UST: variants seen among roughly 807,000 people sequenced by gnomAD.
UST encodes uronyl 2-sulfotransferase.
In UST, 21 loss-of-function variants were observed where a neutral mutation model predicts 45.6. The ratio of observed to expected loss-of-function variants is 0.46; its 90% CI spans 0.33 to 0.66. The LOEUF is 0.66. Among genes scored for constraint, UST ranks in the 30% least tolerant of loss-of-function variants. The probability of loss-of-function intolerance (pLI) is 0.02; values close to 1 mark genes in which losing one functional copy is unlikely to be tolerated. For synonymous variants in UST, 215 were observed against 200.6 expected (o/e 1.07, Z -0.61); for missense variants, 463 against 512.4 (o/e 0.90, Z 0.93).
At chr6:148,768,574 G>A (rs548892404) in intron 1 of UST, among the ~76,000 whole-genome samples, 6 of 151,882 alleles carry the variant, frequency 4.0e-5, no homozygotes, top group South Asian at 4.2e-4. Context: ...TCATTCTATT[G>A]TTATTTCACT....
chr6:148,874,286 C>T (rs779542770), intron 1 of UST, among the ~76,000 whole-genome samples: 6 of 152,052 alleles, frequency 3.9e-5, no homozygotes, highest in East Asian at 1.9e-4. Flanking sequence ...CATTTGATTC[C>T]GAAAGTAATT....
chr6:149,028,082 G>A (rs1452087736), intron 7 of UST, among the ~76,000 whole-genome samples: 1 of 152,026 alleles, frequency 6.6e-6, no homozygotes, highest in Non-Finnish European at 1.5e-5. Flanking sequence ...GACCTCAGGT[G>A]AGCCACCTGC....
chr6:148,884,606 C>G (rs62426101), intron 1 of UST, among the ~76,000 whole-genome samples: 4,084 of 151,794 alleles, frequency 0.027, 90 homozygotes, highest in Non-Finnish European at 0.037. Flanking sequence ...GAGGTGGGGC[C>G]TGGGTGATGC....
intron 2 of UST, among the ~76,000 whole-genome samples, chr6:148,903,589 G>A (rs961369133): frequency 1.1e-4 from 17 of 152,302 alleles, no homozygotes; most frequent in African/African-American, 3.8e-4. Context: ...TAAACTAATA[G>A]GGGTAAAAAC....
chr6:148,880,774 A>T (rs1460575504), intron 1 of UST, among the ~76,000 whole-genome samples: 1 of 152,188 alleles, frequency 6.6e-6, no homozygotes, highest in Non-Finnish European at 1.5e-5. Context: ...TCACACCTAT[A>T]ATCCTAGCAT....
At chr6:148,809,722 T>C (rs543316797) in intron 1 of UST, among the ~76,000 whole-genome samples, 7 of 152,342 alleles carry the variant, frequency 4.6e-5, no homozygotes, top group African/African-American at 1.7e-4. Context: ...ACCTTTGCCA[T>C]TCATGTACAT....
At chr6:148,766,753 A>G (rs760830822) in intron 1 of UST, among the ~76,000 whole-genome samples, 7 of 152,214 alleles carry the variant, frequency 4.6e-5, no homozygotes, top group Non-Finnish European at 1.0e-4. Flanking sequence ...GAATACAGAT[A>G]TGTGTTCATT....
intron 1 of UST, among the ~76,000 whole-genome samples, chr6:148,871,681 G>A (rs1300179816): frequency 6.6e-6 from 1 of 152,232 alleles, no homozygotes; most frequent in Non-Finnish European, 1.5e-5. Context: ...AGTATTGCTT[G>A]TAGGAATTGA....
intron 3 of UST, among the ~76,000 whole-genome samples, chr6:148,949,141 A>C (rs912231352): frequency 6.6e-6 from 1 of 151,888 alleles, no homozygotes; most frequent in African/African-American, 2.4e-5. Flanking sequence ...AAATACAAAA[A>C]TTAGCTGGGC....
intron 1 of UST, among the ~76,000 whole-genome samples, chr6:148,782,781 A>T (rs1776667484): frequency 6.6e-6 from 1 of 152,220 alleles, no homozygotes; most frequent in African/African-American, 2.4e-5. Flanking sequence ...AAGCCAAAAA[A>T]GCGGCTTCTT....
intron 1 of UST, among the ~76,000 whole-genome samples, chr6:148,763,646 C>A (rs1278530456): frequency 6.6e-6 from 1 of 152,140 alleles, no homozygotes; most frequent in Non-Finnish European, 1.5e-5. Flanking sequence ...ACCTTTAAGT[C>A]TTTAATTCAT....
intron 2 of UST, among the ~76,000 whole-genome samples, chr6:148,937,003 C>A (rs1780039194): frequency 6.6e-6 from 1 of 152,078 alleles, no homozygotes; most frequent in African/African-American, 2.4e-5. Flanking sequence ...CCATCAGAAA[C>A]AAATCTATAG....
At chr6:148,929,025 C>T (rs9390638) in intron 2 of UST, among the ~76,000 whole-genome samples, 2,269 of 152,320 alleles carry the variant, frequency 0.015, 82 homozygotes, top group East Asian at 0.13. Flanking sequence ...ATGGATCCTT[C>T]GCACATGTTG....
At chr6:148,775,910 G>A (rs913177790) in intron 1 of UST, among the ~76,000 whole-genome samples, 2 of 152,134 alleles carry the variant, frequency 1.3e-5, no homozygotes, top group South Asian at 4.2e-4. Context: ...GGGATTACGG[G>A]TGTGAGCCAC....
chr6:148,947,110 C>T (rs1052732506), intron 3 of UST, among the ~76,000 whole-genome samples: 3 of 151,948 alleles, frequency 2.0e-5, no homozygotes, highest in Non-Finnish European at 4.4e-5. Flanking sequence ...TGAAAGCAAA[C>T]GGGGGTCAAA....
chr6:149,017,936 C>T (rs760102035), intron 5 of UST, among the ~76,000 whole-genome samples: 1 of 152,132 alleles, frequency 6.6e-6, no homozygotes, highest in Non-Finnish European at 1.5e-5. Flanking sequence ...TAATCACCCT[C>T]ACCACATGGC....
chr6:148,783,049 C>T lies in UST; in HGVS notation c.247+35372C>T, dbSNP rs117856058. ...TATTTTAAGAAAGTGCCATAGCCACCGCAAGCTTTAGCAACCATCACCCTG... is the reference window on the plus strand; with the variant it reads ...TATTTTAAGAAAGTGCCATAGCCACTGCAAGCTTTAGCAACCATCACCCTG... On this transcript the variant is annotated intron_variant, in intron 1 of 7. Transcript: ENST00000367463. 5.5e-3 allele frequency among the ~76,000 whole-genome samples: 838 copies of T among 152,260 alleles called. 2 individuals carry two copies. The highest frequency in any genetic ancestry group is 9.2e-3 in the Non-Finnish European group (629 of 68,008).
chr6:148,894,005 T>G (rs532233832), intron 2 of UST, among the ~76,000 whole-genome samples: 1 of 151,986 alleles, frequency 6.6e-6, no homozygotes, highest in South Asian at 2.1e-4. Context: ...GGTGACAGAG[T>G]GAGACTCTGT....
intron 2 of UST, among the ~76,000 whole-genome samples, chr6:148,940,954 C>CA (rs1163373739): frequency 6.6e-6 from 1 of 152,018 alleles, no homozygotes; most frequent in East Asian, 1.9e-4. Flanking sequence ...AGCATAATAG[C>CA]AAAAAATATT....
Sources: allele counts gnomAD v4.1 joint callset (sites outside exome capture counted in the v4.1 genomes callset), GRCh38; gene constraint gnomAD v4.1.1; transcripts MANE v1.5; gene names NCBI Gene and HGNC (gene_info 2026-07-23, HGNC 2026-07-21).